CCBE1: variants seen among roughly 807,000 people sequenced by gnomAD.
CCBE1 encodes collagen and calcium-binding EGF domain-containing protein 1.
A neutral mutation model predicts 50.0 loss-of-function variants in CCBE1; 37 were observed. The observed-to-expected ratio is 0.74, with a 90% CI of 0.57 to 0.97. CCBE1 has a LOEUF of 0.97. Among genes scored for constraint, CCBE1 ranks in the 50% least tolerant of loss-of-function variants. The pLI, the probability that CCBE1 is intolerant of heterozygous loss-of-function variation, is 0.00. For synonymous variants in CCBE1, 234 were observed against 203.7 expected (o/e 1.15, Z -1.27); for missense variants, 538 against 523.8 (o/e 1.03, Z -0.26).
chr18:59,673,129 C>A (rs1279336261), intron 2 of CCBE1, among the ~76,000 whole-genome samples: 1 of 152,200 alleles, frequency 6.6e-6, no homozygotes, highest in Non-Finnish European at 1.5e-5. Flanking sequence ...AAGCCTTAAT[C>A]ATCTCTTCTG....
chr18:59,598,017 G>A (rs751082967), intron 2 of CCBE1, among the ~76,000 whole-genome samples: 6 of 152,194 alleles, frequency 3.9e-5, no homozygotes, highest in Non-Finnish European at 8.8e-5. Context: ...GGAAACTAGA[G>A]ACAGAAAAGA....
At chr18:59,437,716 G>A (rs8089633) in intron 10 of CCBE1, among the ~76,000 whole-genome samples, 41,689 of 152,094 alleles carry the variant, frequency 0.27, 6,350 homozygotes, top group African/African-American at 0.4. Context: ...TGGCCATCTG[G>A]CCTGCTAGGG....
intron 3 of CCBE1, among the ~76,000 whole-genome samples, chr18:59,478,573 A>T (rs572555913): frequency 6.6e-6 from 1 of 152,212 alleles, no homozygotes; most frequent in Admixed American, 6.5e-5. Flanking sequence ...TATGTTAATT[A>T]TAGGTGCTGT....
intron 5 of CCBE1, 44 bp from the exon 6 acceptor site, chr18:59,454,995 C>G (rs1478683954): frequency 8.1e-6 from 12 of 1,480,738 alleles, no homozygotes; most frequent in Non-Finnish European, 1.1e-5. Flanking sequence ...AGGCTGGATG[C>G]AAGCCAGACC....
At chr18:59,674,870 T>G (rs1017082709) in intron 2 of CCBE1, among the ~76,000 whole-genome samples, 3 of 152,318 alleles carry the variant, frequency 2.0e-5, no homozygotes, top group African/African-American at 7.2e-5. Flanking sequence ...AGAAGTTATT[T>G]TCTACAGGAA....
At chr18:59,473,945 G>A (rs1373165115) in intron 3 of CCBE1, among the ~76,000 whole-genome samples, 1 of 149,014 alleles carries the variant, frequency 6.7e-6, no homozygotes, top group African/African-American at 2.5e-5. Flanking sequence ...GTCCATGTGT[G>A]CACAATGTTT....
intron 2 of CCBE1, among the ~76,000 whole-genome samples, chr18:59,613,396 C>A (rs1002651279): frequency 2.6e-5 from 4 of 151,958 alleles, no homozygotes; most frequent in Admixed American, 2.6e-4. Flanking sequence ...AATTAGTATT[C>A]GATGTATTGA....
chr18:59,441,656 G>T (rs980275123), intron 7 of CCBE1, among the ~76,000 whole-genome samples: 1 of 152,116 alleles, frequency 6.6e-6, no homozygotes, highest in Non-Finnish European at 1.5e-5. Context: ...GCAGATGAGG[G>T]ATTTCAGCAG....
chr18:59,485,760 G>T (rs1350006310), intron 2 of CCBE1, among the ~76,000 whole-genome samples: 1 of 151,914 alleles, frequency 6.6e-6, no homozygotes, highest in African/African-American at 2.4e-5. Context: ...ACAGGCGCCT[G>T]CCACCACGCT....
intron 2 of CCBE1, among the ~76,000 whole-genome samples, chr18:59,666,605 CT>C (rs35158151): frequency 3.4e-5 from 5 of 147,538 alleles, no homozygotes; most frequent in South Asian, 2.2e-4. Context: ...CTACAAGACA[CT>C]TTTTTTTTGA....
intron 2 of CCBE1, among the ~76,000 whole-genome samples, chr18:59,561,448 G>A (rs1458200207): frequency 6.6e-6 from 1 of 152,224 alleles, no homozygotes; most frequent in African/African-American, 2.4e-5. Context: ...AATAGACCGA[G>A]GCAGACATCC....
intron 2 of CCBE1, among the ~76,000 whole-genome samples, chr18:59,520,282 G>A (rs1447615554): frequency 6.6e-6 from 1 of 152,156 alleles, no homozygotes; most frequent in African/African-American, 2.4e-5. Flanking sequence ...CCATTTTCAT[G>A]ATATTGATTC....
At chr18:59,451,671 C>G (rs955929314) in intron 6 of CCBE1, among the ~76,000 whole-genome samples, 3 of 152,112 alleles carry the variant, frequency 2.0e-5, no homozygotes, top group Non-Finnish European at 4.4e-5. Flanking sequence ...AGCAAAGAAC[C>G]TGGAAACTTC....
intron 2 of CCBE1, among the ~76,000 whole-genome samples, chr18:59,523,684 G>T (rs1045116002): frequency 6.6e-6 from 1 of 152,112 alleles, no homozygotes; most frequent in Admixed American, 6.6e-5. Flanking sequence ...AGACAATCAT[G>T]AGTAGGTCAG....
intron 2 of CCBE1, among the ~76,000 whole-genome samples, chr18:59,549,615 C>A (rs1415522621): frequency 6.6e-6 from 1 of 152,136 alleles, no homozygotes; most frequent in African/African-American, 2.4e-5. Flanking sequence ...AATACCTGAG[C>A]AACTGTCAGG....
rs185129995 is a variant in CCBE1, at chr18:59,472,647, C to A, written c.266-3040G>T. ...TACCAGCACCGCGCCCAGCCTACAG[C>A]TGCCTCCATGAATGTGCATTCACCA... On this transcript the variant is annotated intron_variant, in intron 3 of 10. Coordinates refer to ENST00000439986, the MANE Select transcript of CCBE1 (RefSeq NM_133459.4). Among the ~76,000 whole-genome samples, 798 of 152,338 alleles carry A rather than the reference C, an allele frequency of 5.2e-3. 4 individuals carry two copies. The highest frequency in any genetic ancestry group is 6.2e-3 in the Admixed American group (95 of 15,306).
rs185029224 is a variant in CCBE1 at position 59,552,787 on chromosome 18, C to A, written c.213-72549G>T. On this transcript the variant is annotated intron_variant, in intron 2 of 10. Transcript: ENST00000439986. ...CTCTAGTGAAAGGAACAAATGTAAC[C>A]AATCACTTTGAAAAACAAAATCACC... Among the ~76,000 whole-genome samples, 99 of 152,270 alleles carry A rather than the reference C, an allele frequency of 6.5e-4. 1 individual carries two copies. Among genetic ancestry groups the A allele is most frequent in the Admixed American group, 4.4e-3 (67 of 15,300 alleles).
chr18:59,689,781 T>C (rs576082393), intron 2 of CCBE1, among the ~76,000 whole-genome samples: 1 of 152,258 alleles, frequency 6.6e-6, no homozygotes, highest in African/African-American at 2.4e-5. Context: ...CATGAGAAAA[T>C]AACACCTCCT....
chr18:59,569,062 AT>A (rs896197910), intron 2 of CCBE1, among the ~76,000 whole-genome samples: 1 of 152,110 alleles, frequency 6.6e-6, no homozygotes, highest in African/African-American at 2.4e-5. Flanking sequence ...AGAGGGGTGC[AT>A]CTCGGGTTAT....
Sources: gnomAD v4.1 joint callset for allele counts (sites outside exome capture counted in the v4.1 genomes callset) on GRCh38, gnomAD v4.1.1 for gene constraint, MANE v1.5 for transcripts, NCBI Gene and HGNC (gene_info 2026-07-23, HGNC 2026-07-21) for gene names.